The following SLC25A40 variants were observed in gnomAD, a reference collection of about 807,000 sequenced individuals.
SLC25A40 encodes solute carrier family 25 member 40.
A neutral mutation model predicts 46.5 loss-of-function variants in SLC25A40; 41 were observed. The observed-to-expected ratio is 0.88, with a 90% CI of 0.69 to 1.14. The LOEUF (loss-of-function observed/expected upper bound fraction) is 1.14, where lower values mean the gene tolerates loss of function less well. Ranked by LOEUF, SLC25A40 falls within the 50% of genes most tolerant of loss-of-function variation. The pLI is 0.00. For synonymous variants in SLC25A40, 126 were observed against 127.5 expected (o/e 0.99, Z 0.08); for missense variants, 386 against 393.6 (o/e 0.98, Z 0.16).
At chr7:87,848,070 A>C in intron 6 of SLC25A40, 93 bp from the exon 7 acceptor site, 1 of 1,394,254 alleles carries the variant, frequency 7.2e-7, no homozygotes, top group Non-Finnish European at 9.5e-7. Context: ...AAGCTAAAAA[A>C]GTCTTATATT....
chr7:87,838,995 G>A (rs1838293702), intron 10 of SLC25A40, among the ~76,000 whole-genome samples: 1 of 151,458 alleles, frequency 6.6e-6, no homozygotes, highest in African/African-American at 2.4e-5. Flanking sequence ...TAACAATCTT[G>A]CCATGGATAG....
chr7:87,855,507 C>G (rs1306768520), intron 4 of SLC25A40, among the ~76,000 whole-genome samples: 1 of 152,200 alleles, frequency 6.6e-6, no homozygotes. Flanking sequence ...CCAAAATTGT[C>G]TTCTCTGCCC....
intron 10 of SLC25A40, among the ~76,000 whole-genome samples, chr7:87,837,356 CT>C (rs929543060): frequency 6.7e-6 from 1 of 150,228 alleles, no homozygotes; most frequent in African/African-American, 2.4e-5. Context: ...AGTTTTAAAA[CT>C]TTTTTTTTCT....
Position 87,833,933 on chromosome 7 carries a change from A to G in SLC25A40, c.*2316T>C, listed in dbSNP as rs774579449. 5.9e-5 allele frequency: 9 copies of G among 151,840 alleles called. No individual in the cohort carries two copies. Among genetic ancestry groups the G allele is most frequent in the Non-Finnish European group, 1.2e-4 (8 of 67,898 alleles). 9.4% of individuals were successfully genotyped at this position (151,840 alleles called of 1,614,324 possible). On this transcript the variant is annotated 3_prime_UTR_variant, in exon 12 of 12. Transcript: ENST00000341119. ...GAATAGTTTTCCTAGAAAAAAAAAT[A>G]TTGCCTTTTAAAAAAAATCAAATAT... is the stretch of plus-strand genomic sequence containing the variant.
intron 1 of SLC25A40, among the ~76,000 whole-genome samples, chr7:87,863,491 G>C (rs1383470023): frequency 6.6e-6 from 1 of 152,082 alleles, no homozygotes; most frequent in South Asian, 2.1e-4. Flanking sequence ...ACAATGAACT[G>C]TGAGTCAATT....
chr7:87,848,823 G>A (rs1838461842), intron 6 of SLC25A40, among the ~76,000 whole-genome samples: 1 of 152,168 alleles, frequency 6.6e-6, no homozygotes, highest in Non-Finnish European at 1.5e-5. Flanking sequence ...AAATTGGAAT[G>A]CCTAATGTTA....
rs556000434 is a variant in SLC25A40 at position 87,834,094 on chromosome 7, C to G, written c.*2155G>C. 1.0e-3 allele frequency: 152 copies of G among 151,898 alleles called. No homozygotes were observed. The highest frequency in any genetic ancestry group is 3.2e-3 in the African/African-American group (132 of 41,478). 9.4% of individuals were successfully genotyped at this position (151,898 alleles called of 1,614,324 possible). ...AATAAAAACTGTTTTAGAAACATCA[C>G]CAAGAACACTGTTGTGGCACATGTT... On this transcript the variant is annotated 3_prime_UTR_variant, in exon 12 of 12. Transcript: ENST00000341119.
intron 10 of SLC25A40, 92 bp from the exon 11 acceptor site, chr7:87,836,902 A>G (rs994823647): frequency 1.5e-6 from 1 of 663,620 alleles, no homozygotes; most frequent in Admixed American, 3.9e-5. Flanking sequence ...CCTTGCGGAT[A>G]TATCATTTCT....
intron 4 of SLC25A40, among the ~76,000 whole-genome samples, chr7:87,854,523 A>G (rs968315320): frequency 6.6e-6 from 1 of 152,224 alleles, no homozygotes; most frequent in African/African-American, 2.4e-5. Context: ...CTAAACTCAG[A>G]GTTGTTAAAA....
chr7:87,865,783 A>T (rs1029122412), intron 1 of SLC25A40, among the ~76,000 whole-genome samples: 2 of 151,994 alleles, frequency 1.3e-5, no homozygotes, highest in African/African-American at 2.4e-5. Context: ...GGGGGAAAAA[A>T]AAAGAATATT....
intron 10 of SLC25A40, among the ~76,000 whole-genome samples, chr7:87,837,331 C>G (rs557929398): frequency 1.3e-5 from 2 of 151,112 alleles, no homozygotes; most frequent in Non-Finnish European, 3.0e-5. Context: ...TTTTCATTCA[C>G]ATTTTATTGT....
chr7:87,854,090 A>T lies in SLC25A40; in HGVS notation c.264+114T>A, dbSNP rs570001245. 68 of 708,512 alleles carry T rather than the reference A, an allele frequency of 9.6e-5. 2 individuals are homozygous for T. In the South Asian group the frequency reaches 1.1e-3, roughly 11 times the overall value. 43.9% of individuals were successfully genotyped at this position (708,512 alleles called of 1,614,324 possible). On this transcript the variant is annotated intron_variant, in intron 5 of 11. Transcript: ENST00000341119. ...AACAAAGGGTTAAAAGCAAAGAAGT[A>T]GTTCCCTGTTCTCAGTTTAATATGA...
chr7:87,847,672 G>A (rs559091758), intron 7 of SLC25A40, among the ~76,000 whole-genome samples, 181 bp downstream of exon 7: 1 of 152,024 alleles, frequency 6.6e-6, no homozygotes, highest in East Asian at 1.9e-4. Context: ...TCATTCTGAT[G>A]GTAATCACCA....
chr7:87,842,716 G>C (rs548912853), intron 9 of SLC25A40, among the ~76,000 whole-genome samples: 125 of 152,090 alleles, frequency 8.2e-4, no homozygotes, highest in African/African-American at 3.0e-3. Flanking sequence ...TTACATTCAG[G>C]TGTTTTTTCT....
At chr7:87,846,212 C>A (rs1005477531) in intron 8 of SLC25A40, among the ~76,000 whole-genome samples, 11 of 152,102 alleles carry the variant, frequency 7.2e-5, no homozygotes, top group African/African-American at 2.7e-4. Context: ...AAAATTAATT[C>A]TTTTAATCAA....
intron 9 of SLC25A40, chr7:87,842,359 T>C (rs1036189968): frequency 2.6e-5 from 4 of 152,538 alleles, no homozygotes; most frequent in African/African-American, 9.6e-5. Flanking sequence ...ATTAAGGGAG[T>C]TTTTTTAAAA....
At chr7:87,868,617 T>G (rs974335071) in intron 1 of SLC25A40, among the ~76,000 whole-genome samples, 1 of 152,212 alleles carries the variant, frequency 6.6e-6, no homozygotes, top group African/African-American at 2.4e-5. Context: ...ACAGCTTTTC[T>G]GGTTCCTTAT....
intron 6 of SLC25A40, 97 bp downstream of exon 6, chr7:87,849,784 T>G: frequency 2.3e-6 from 2 of 854,004 alleles, no homozygotes; most frequent in Non-Finnish European, 3.5e-6. Context: ...ATGAAAGCAT[T>G]CTAATATTAA....
intron 1 of SLC25A40, among the ~76,000 whole-genome samples, chr7:87,863,990 G>A (rs1838747031): frequency 6.6e-6 from 1 of 152,130 alleles, no homozygotes; most frequent in Non-Finnish European, 1.5e-5. Context: ...TTAACATAAG[G>A]ATTTCTAGGA....
Sources: gnomAD v4.1 joint callset for allele counts (sites outside exome capture counted in the v4.1 genomes callset) on GRCh38, gnomAD v4.1.1 for gene constraint, MANE v1.5 for transcripts, NCBI Gene and HGNC (gene_info 2026-07-23, HGNC 2026-07-21) for gene names.